ATP11A: variants seen among roughly 807,000 people sequenced by gnomAD.
ATP11A encodes phospholipid-transporting ATPase IH.
ATP11A carries 81 observed loss-of-function variants against 154.4 expected under a neutral mutation model. The ratio of observed to expected loss-of-function variants is 0.52; its 90% CI spans 0.44 to 0.63. The LOEUF is 0.63. ATP11A is among the 30% of genes least tolerant of loss of function. The pLI is 0.00. For synonymous variants in ATP11A, 623 were observed against 585.9 expected (o/e 1.06, Z -0.91); for missense variants, 1,316 against 1,474.3 (o/e 0.89, Z 1.76).
At chr13:112,841,604 G>A (rs902553050) in intron 16 of ATP11A, among the ~76,000 whole-genome samples, 5 of 152,006 alleles carry the variant, frequency 3.3e-5, no homozygotes, top group African/African-American at 1.2e-4. Flanking sequence ...ACCTGGCAGA[G>A]TGCCACGTGG....
chr13:112,826,981 C>A, intron 12 of ATP11A, 90 bp downstream of exon 12: 1 of 1,361,794 alleles, frequency 7.3e-7, no homozygotes, highest in Non-Finnish European at 1.0e-6. Flanking sequence ...GTCATCCGAG[C>A]GTGGCTGTAC....
intron 29 of ATP11A, chr13:112,881,508 G>A (rs913786491): frequency 8.9e-6 from 10 of 1,118,190 alleles, no homozygotes; most frequent in Middle Eastern, 4.2e-4. Flanking sequence ...TAGGTTTCCC[G>A]TCCATGGCCT....
intron 1 of ATP11A, among the ~76,000 whole-genome samples, chr13:112,748,224 A>C (rs886362327): frequency 2.7e-4 from 41 of 152,212 alleles, no homozygotes; most frequent in African/African-American, 8.7e-4. Flanking sequence ...GATAAGGGCT[A>C]CTCAACCTGT....
rs1885973064 is a variant in ATP11A, at chr13:112,697,224, C to T, written c.39+6769C>T. 6.6e-6 allele frequency among the ~76,000 whole-genome samples: 1 copy of T among 152,168 alleles called. No homozygotes were observed. The highest frequency in any genetic ancestry group is 1.5e-5 in the Non-Finnish European group (1 of 68,020). On this transcript the variant is annotated intron_variant, in intron 1 of 29. Coordinates refer to ENST00000375645, the MANE Select transcript of ATP11A (RefSeq NM_015205.3). The surrounding 1 kb of genome is among the most constrained non-coding windows in gnomAD (Gnocchi z 4.0). ...TGCTGGCCTCTGCCTTCCCCAGGGCCACGGTGGGCTCCTAGTGGCCTTTCT... is the reference window on the plus strand; with the variant it reads ...TGCTGGCCTCTGCCTTCCCCAGGGCTACGGTGGGCTCCTAGTGGCCTTTCT...
intron 2 of ATP11A, among the ~76,000 whole-genome samples, chr13:112,798,594 G>T (rs1230701456): frequency 6.6e-6 from 1 of 152,228 alleles, no homozygotes; most frequent in Non-Finnish European, 1.5e-5. Context: ...CACACACACA[G>T]TGCGGGTTAT....
At chr13:112,711,552 T>A (rs542943234) in intron 1 of ATP11A, among the ~76,000 whole-genome samples, 134 of 149,308 alleles carry the variant, frequency 9.0e-4, no homozygotes, top group Non-Finnish European at 1.7e-3. Flanking sequence ...GACGTCACCG[T>A]AAACAGGCAC....
intron 1 of ATP11A, among the ~76,000 whole-genome samples, chr13:112,783,286 G>A (rs1209058204): frequency 6.6e-6 from 1 of 152,132 alleles, no homozygotes; most frequent in East Asian, 1.9e-4. Flanking sequence ...GACCCTGCCT[G>A]CCTTTTTTGG....
At chr13:112,835,076 C>T (rs1300650121) in intron 15 of ATP11A, among the ~76,000 whole-genome samples, 2 of 152,406 alleles carry the variant, frequency 1.3e-5, no homozygotes, top group Non-Finnish European at 2.9e-5. Flanking sequence ...AACCCTGGCT[C>T]ACGTGCTGGG....
At chr13:112,722,303 C>A (rs1456433794) in intron 1 of ATP11A, among the ~76,000 whole-genome samples, 1 of 135,962 alleles carries the variant, frequency 7.4e-6, no homozygotes, top group African/African-American at 2.7e-5. Flanking sequence ...GGAGGGTGGG[C>A]CCGGGGAGAG....
chr13:112,819,413 C>A lies in ATP11A; in HGVS notation c.674+6C>A, dbSNP rs749013010. On this transcript the variant is annotated splice_donor_region_variant and intron_variant, in intron 7 of 29. Coordinates refer to ENST00000375645, the MANE Select transcript of ATP11A (RefSeq NM_015205.3). Reference sequence around the variant, plus strand: ...CCCCAGCCCGACCTCTACAAGTAAGCGGGAGCTTTGGGTTCTTTAGAAACG... The same window carrying A: ...CCCCAGCCCGACCTCTACAAGTAAGAGGGAGCTTTGGGTTCTTTAGAAACG... 8.7e-6 allele frequency: 14 copies of A among 1,613,810 alleles called. No homozygotes were observed. The East Asian group carries it at 2.2e-4, about 26-fold the overall frequency.
At chr13:112,830,642 G>A in intron 12 of ATP11A, among the ~76,000 whole-genome samples, 1 of 152,208 alleles carries the variant, frequency 6.6e-6, no homozygotes, top group Non-Finnish European at 1.5e-5. Flanking sequence ...TTACTTCAAA[G>A]TCCTGTATAA....
rs1359945358 is a variant in ATP11A at position 112,806,272 on chromosome 13, T to C, written c.312T>C (p.Ile104=). Residue 104 remains isoleucine (I), a synonymous_variant, in exon 4 of 30, where the codon ATT becomes ATC. Transcript: ENST00000375645. ...GCGGACTTCCACTCTTCTTTGTCATTACTGTGACGGCTATCAAACAGGTAA... is the reference window on the plus strand; with the variant it reads ...GCGGACTTCCACTCTTCTTTGTCATCACTGTGACGGCTATCAAACAGGTAA... The part of the protein sequence containing the change: ...VTSGLPLFFV[I]TVTAIKQGYE... 6.2e-7 allele frequency: 1 copy of C among 1,613,434 alleles called. No homozygotes were observed. Among genetic ancestry groups the C allele is most frequent in the Non-Finnish European group, 8.5e-7 (1 of 1,179,578 alleles).
At chr13:112,860,234 A>G in intron 23 of ATP11A, 53 bp from the exon 24 acceptor site, 2 of 1,567,822 alleles carry the variant, frequency 1.3e-6, no homozygotes, top group Non-Finnish European at 1.7e-6. Context: ...AAAGATCCAA[A>G]AAGTTTGTAA....
chr13:112,754,530 G>T lies in ATP11A; in HGVS notation c.40-30605G>T. 1 of 161,736 alleles carries T rather than the reference G, an allele frequency of 6.2e-6. No individual in the cohort carries two copies. Among genetic ancestry groups the T allele is most frequent in the Non-Finnish European group, 1.4e-5 (1 of 73,126 alleles). The allele number at this position is 161,736 out of a possible 1,614,324, so 10.0% of individuals were successfully genotyped here. ...GCATGCTTGGAAAGTGGTGCTTAGA[G>T]CCAGGCAGGACTCACTGCGGCTCCT... On this transcript the variant is annotated intron_variant, in intron 1 of 29. Coordinates refer to ENST00000375645, the MANE Select transcript of ATP11A (RefSeq NM_015205.3). The surrounding 1 kb of genome is among the most constrained non-coding windows in gnomAD (Gnocchi z 5.3).
At chr13:112,878,029 G>A (rs1034473949) in intron 28 of ATP11A, among the ~76,000 whole-genome samples, 188 bp from the exon 29 acceptor site, 2 of 152,206 alleles carry the variant, frequency 1.3e-5, no homozygotes, top group Non-Finnish European at 2.9e-5. Flanking sequence ...GGGTCACGGT[G>A]GGGGGCACCA....
intron 1 of ATP11A, among the ~76,000 whole-genome samples, chr13:112,749,024 C>T (rs748257229): frequency 4.6e-5 from 7 of 152,346 alleles, no homozygotes; most frequent in South Asian, 4.1e-4. Flanking sequence ...GTGGGCTGGG[C>T]GTCAGGGTGC....
chr13:112,749,195 G>A (rs2076632057), intron 1 of ATP11A, among the ~76,000 whole-genome samples: 1 of 152,202 alleles, frequency 6.6e-6, no homozygotes, highest in African/African-American at 2.4e-5. Flanking sequence ...CAGTGCAGCC[G>A]GTCTAGCTCC....
At chr13:112,793,953 C>T (rs895061219) in intron 2 of ATP11A, among the ~76,000 whole-genome samples, 2 of 152,236 alleles carry the variant, frequency 1.3e-5, no homozygotes, top group African/African-American at 4.8e-5. Flanking sequence ...GAGGCTCAGA[C>T]ACTAGTGAGG....
At position 112,831,583 on chromosome 13, in the gene ATP11A, A is replaced by G. The variant is rs372343014; in HGVS notation, c.1395+35A>G. 699 of 1,603,700 alleles carry G rather than the reference A, an allele frequency of 4.4e-4. 4 individuals carry two copies. Among genetic ancestry groups the G allele is most frequent in the South Asian group, 1.6e-3 (148 of 90,072 alleles). ...AGCCCCCACGCCGTCCAAGTGTGTG[A>G]GTGAGTGGGCGGCTGTGCATGCTGA... is the stretch of plus-strand genomic sequence containing the variant. On this transcript the variant is annotated intron_variant, in intron 13 of 29. Coordinates refer to ENST00000375645, the MANE Select transcript of ATP11A (RefSeq NM_015205.3).
Sources: gnomAD v4.1 joint callset for allele counts (sites outside exome capture counted in the v4.1 genomes callset) on GRCh38, gnomAD v4.1.1 for gene constraint, Gnocchi (gnomAD v3.1) non-coding constraint, MANE v1.5 for transcripts, NCBI Gene and HGNC (gene_info 2026-07-23, HGNC 2026-07-21) for gene names.